The following CDC14A variants were observed in gnomAD, a reference collection of about 807,000 sequenced individuals.
CDC14A encodes dual specificity protein phosphatase CDC14A.
CDC14A carries 53 observed loss-of-function variants against 74.4 expected under a neutral mutation model. The ratio of observed to expected loss-of-function variants is 0.71; its 90% CI spans 0.57 to 0.89. The LOEUF (loss-of-function observed/expected upper bound fraction) is 0.89. Among genes scored for constraint, CDC14A ranks in the 40% least tolerant of loss-of-function variants. CDC14A has a pLI of 0.00. For synonymous variants in CDC14A, 247 were observed against 258.4 expected (o/e 0.96, Z 0.43); for missense variants, 646 against 713.7 (o/e 0.91, Z 1.08).
intron 15 of CDC14A, among the ~76,000 whole-genome samples, chr1:100,502,760 G>A (rs1184831250): frequency 1.3e-5 from 2 of 152,158 alleles, no homozygotes; most frequent in Admixed American, 6.5e-5. Flanking sequence ...CTCCCCTAAT[G>A]ATGTTTACAT....
chr1:100,407,709 A>T (rs1352369562), intron 4 of CDC14A, among the ~76,000 whole-genome samples: 2 of 152,092 alleles, frequency 1.3e-5, no homozygotes, highest in Non-Finnish European at 2.9e-5. Flanking sequence ...CTCTTGTCTG[A>T]TGGCCTTGGC....
chr1:100,347,224 A>C (rs770823467), intron 1 of CDC14A, among the ~76,000 whole-genome samples: 1 of 152,228 alleles, frequency 6.6e-6, no homozygotes, highest in Non-Finnish European at 1.5e-5. Flanking sequence ...TCTTATTTCC[A>C]CCAGCTATGT....
chr1:100,517,763 T>C (rs1007315471), intron 15 of CDC14A, among the ~76,000 whole-genome samples: 6 of 152,230 alleles, frequency 3.9e-5, no homozygotes, highest in African/African-American at 9.6e-5. Context: ...GTGTAAGATA[T>C]TTATAAATTC....
intron 5 of CDC14A, among the ~76,000 whole-genome samples, chr1:100,434,758 A>T (rs1664123197): frequency 6.6e-6 from 1 of 152,106 alleles, no homozygotes; most frequent in Admixed American, 6.6e-5. Flanking sequence ...GTGGGAGCAG[A>T]TTCAAGAGAT....
chr1:100,499,322 GC>G (rs1338995994), intron 15 of CDC14A, 60 bp downstream of exon 15: 1 of 1,613,932 alleles, frequency 6.2e-7, no homozygotes, highest in Non-Finnish European at 8.5e-7. Context: ...TCTGTGCCTT[GC>G]CTTCCCAGCC....
intron 11 of CDC14A, among the ~76,000 whole-genome samples, chr1:100,490,898 G>C (rs929224595): frequency 6.6e-6 from 1 of 152,130 alleles, no homozygotes; most frequent in African/African-American, 2.4e-5. Flanking sequence ...ATTGACAAAC[G>C]TTTAGGGAAT....
chr1:100,362,269 A>C (rs1434281758), intron 2 of CDC14A, among the ~76,000 whole-genome samples: 3 of 152,124 alleles, frequency 2.0e-5, no homozygotes, highest in Non-Finnish European at 4.4e-5. Context: ...TTTGAGCTGA[A>C]TTTTTTATAC....
Position 100,407,658 on chromosome 1 carries a change from T to A in CDC14A, c.310-16564T>A, listed in dbSNP as rs551882914. On this transcript the variant is annotated intron_variant, in intron 4 of 15. Coordinates refer to ENST00000336454, the MANE Select transcript of CDC14A (RefSeq NM_003672.4). ...CATGTCATCTGCAAACAAAGATAAT[T>A]TGACTTCTTCTCTTCCTATTTGAAT... Among the ~76,000 whole-genome samples, 14 of 152,288 alleles carry A rather than the reference T, an allele frequency of 9.2e-5. No individual in the cohort carries two copies. The East Asian group carries it at 2.7e-3, about 29-fold the overall frequency.
At chr1:100,469,518 G>T (rs1227676847) in intron 10 of CDC14A, among the ~76,000 whole-genome samples, 1 of 152,124 alleles carries the variant, frequency 6.6e-6, no homozygotes, top group East Asian at 1.9e-4. Flanking sequence ...TGCATTTTAT[G>T]TGCCTGTAGC....
At chr1:100,441,802 C>A (rs1664961930) in intron 6 of CDC14A, among the ~76,000 whole-genome samples, 2 of 152,050 alleles carry the variant, frequency 1.3e-5, no homozygotes, top group African/African-American at 2.4e-5. Flanking sequence ...CCAACCACAG[C>A]AAATATGATT....
intron 4 of CDC14A, among the ~76,000 whole-genome samples, chr1:100,418,420 G>A (rs932476695): frequency 3.3e-5 from 5 of 152,126 alleles, no homozygotes; most frequent in African/African-American, 9.7e-5. Flanking sequence ...GAGATATCAG[G>A]TATGTTTAGG....
chr1:100,488,860 A>G (rs1457378567), intron 11 of CDC14A, among the ~76,000 whole-genome samples: 2 of 152,198 alleles, frequency 1.3e-5, no homozygotes, highest in East Asian at 1.9e-4. Flanking sequence ...TTCCCCCATT[A>G]TGACAGTGAA....
At chr1:100,357,745 TAA>T (rs71310165) in intron 2 of CDC14A, among the ~76,000 whole-genome samples, 10 of 139,474 alleles carry the variant, frequency 7.2e-5, no homozygotes, top group Admixed American at 1.4e-4. Context: ...CCCCATCTCT[TAA>T]AAAAAAAAAA....
At chr1:100,441,885 G>A (rs942174945) in intron 6 of CDC14A, among the ~76,000 whole-genome samples, 1 of 152,072 alleles carries the variant, frequency 6.6e-6, no homozygotes, top group African/African-American at 2.4e-5. Flanking sequence ...TGATGCTGAT[G>A]GCGCATGTTC....
At chr1:100,425,946 A>G (rs540035825) in intron 5 of CDC14A, among the ~76,000 whole-genome samples, 10 of 152,330 alleles carry the variant, frequency 6.6e-5, no homozygotes, top group African/African-American at 2.4e-4. Context: ...GTAAATAAGT[A>G]TCTCGGACAA....
chr1:100,386,050 C>G (rs543553671), intron 3 of CDC14A, among the ~76,000 whole-genome samples: 1 of 151,848 alleles, frequency 6.6e-6, no homozygotes, highest in Non-Finnish European at 1.5e-5. Flanking sequence ...GCCTGTAGTC[C>G]CAGCTACTCA....
intron 4 of CDC14A, among the ~76,000 whole-genome samples, chr1:100,419,039 A>G (rs1228570357): frequency 1.3e-5 from 2 of 152,130 alleles, no homozygotes; most frequent in African/African-American, 4.8e-5. Flanking sequence ...ACAAAAAAGT[A>G]GCTGAATGTG....
At chr1:100,485,993 C>T (rs1475125166) in intron 11 of CDC14A, 1 of 152,174 alleles carries the variant, frequency 6.6e-6, no homozygotes, top group Non-Finnish European at 1.5e-5. Context: ...GTTGACTTTT[C>T]TTTGTCTCTG....
intron 4 of CDC14A, among the ~76,000 whole-genome samples, chr1:100,411,245 A>G (rs1397121554): frequency 2.0e-5 from 3 of 152,088 alleles, no homozygotes; most frequent in Admixed American, 6.6e-5. Flanking sequence ...CGACACCCAT[A>G]GTGCAAGGGA....
Sources: allele counts gnomAD v4.1 joint callset (sites outside exome capture counted in the v4.1 genomes callset), GRCh38; gene constraint gnomAD v4.1.1; transcripts MANE v1.5; gene names NCBI Gene and HGNC (gene_info 2026-07-23, HGNC 2026-07-21).